Variants in FHOD3 observed in about 807,000 individuals in gnomAD.
FHOD3 encodes FH1/FH2 domain-containing protein 3.
Under a neutral mutation model 173.0 loss-of-function variants are expected in FHOD3, and 90 were observed. That is an observed-to-expected ratio of 0.52 (90% CI 0.44 to 0.62). FHOD3 has a LOEUF of 0.62. Ranked by LOEUF, FHOD3 falls within the 20% of genes least tolerant of loss-of-function variation. The pLI is 0.00. For missense variants in FHOD3, 1,945 were observed against 2,034.7 expected, an observed-to-expected ratio of 0.96 and a Z score of 0.85; for synonymous variants, 828 against 823.0, an observed-to-expected ratio of 1.01 and a Z score of -0.10.
At chr18:36,388,468 T>A (rs1389695346) in intron 3 of FHOD3, among the ~76,000 whole-genome samples, 3 of 152,228 alleles carry the variant, frequency 2.0e-5, no homozygotes, top group South Asian at 2.1e-4. Context: ...CCATCTTGCC[T>A]TCTTTGCAGC....
chr18:36,590,961 G>A (rs934997203), intron 6 of FHOD3, among the ~76,000 whole-genome samples: 3 of 152,176 alleles, frequency 2.0e-5, no homozygotes, highest in Non-Finnish European at 4.4e-5. Flanking sequence ...ACCAGCTAAT[G>A]GGGGGAGTGG....
chr18:36,512,398 G>A lies in FHOD3; in HGVS notation c.406-40G>A, dbSNP rs752370597. 2.1e-6 allele frequency: 3 copies of A among 1,458,256 alleles called. No individual in the cohort carries two copies. In the East Asian group the frequency reaches 6.8e-5, roughly 33 times the overall value. 90.3% of individuals were successfully genotyped at this position (1,458,256 alleles called of 1,614,324 possible). On this transcript the variant is annotated intron_variant, in intron 4 of 28. Coordinates refer to ENST00000590592, the MANE Select transcript of FHOD3 (RefSeq NM_001281740.3). ...GCACAGCTGGGATGGAAGGTGGACA[G>A]GGACAGTATTTGAAGTATTTTTGTT... is the stretch of plus-strand genomic sequence containing the variant.
At chr18:36,310,677 G>T (rs1277259299) in intron 1 of FHOD3, among the ~76,000 whole-genome samples, 1 of 138,192 alleles carries the variant, frequency 7.2e-6, no homozygotes, top group African/African-American at 2.8e-5. Context: ...ACAGGAGTGA[G>T]ACTCCATCTC....
chr18:36,701,921 G>A (rs1324753031), intron 17 of FHOD3, among the ~76,000 whole-genome samples: 2 of 152,188 alleles, frequency 1.3e-5, no homozygotes, highest in African/African-American at 4.8e-5. Context: ...GTCATCTTCA[G>A]TGGGGCTTAG....
chr18:36,326,100 T>G (rs1483021774), intron 1 of FHOD3, among the ~76,000 whole-genome samples: 2 of 152,184 alleles, frequency 1.3e-5, no homozygotes, highest in Non-Finnish European at 2.9e-5. Context: ...AGCATGGTGG[T>G]CAAGTCAAAA....
At chr18:36,731,043 C>T (rs571582933) in intron 20 of FHOD3, among the ~76,000 whole-genome samples, 1 of 152,274 alleles carries the variant, frequency 6.6e-6, no homozygotes, top group African/African-American at 2.4e-5. Flanking sequence ...CCACATTCTG[C>T]CTACCTCAAA....
intron 6 of FHOD3, among the ~76,000 whole-genome samples, chr18:36,578,432 A>G (rs1214602180): frequency 6.6e-6 from 1 of 152,192 alleles, no homozygotes; most frequent in Admixed American, 6.5e-5. Flanking sequence ...GGTCCCTCCC[A>G]TGACATGTGG....
At chr18:36,629,860 G>A (rs1383286265) in intron 10 of FHOD3, among the ~76,000 whole-genome samples, 2 of 152,062 alleles carry the variant, frequency 1.3e-5, no homozygotes, top group Non-Finnish European at 2.9e-5. Flanking sequence ...TCTTGACCGG[G>A]GTGATTTTGC....
intron 3 of FHOD3, among the ~76,000 whole-genome samples, chr18:36,405,630 G>A (rs2049018271): frequency 6.6e-6 from 1 of 152,276 alleles, no homozygotes; most frequent in South Asian, 2.1e-4. Context: ...AACAGAAATG[G>A]AATAAAGCTA....
intron 3 of FHOD3, among the ~76,000 whole-genome samples, chr18:36,434,732 C>G (rs989366110): frequency 3.9e-5 from 6 of 151,962 alleles, no homozygotes; most frequent in African/African-American, 1.4e-4. Context: ...CAGTTTCTTC[C>G]TGCAAAGTTT....
intron 1 of FHOD3, among the ~76,000 whole-genome samples, chr18:36,352,004 C>T (rs527406499): frequency 1.3e-5 from 2 of 152,246 alleles, no homozygotes; most frequent in South Asian, 2.1e-4. Flanking sequence ...GCTTTAGGTA[C>T]CTCAACTGAA....
At chr18:36,380,447 C>T (rs1208506156) in intron 3 of FHOD3, among the ~76,000 whole-genome samples, 3 of 146,854 alleles carry the variant, frequency 2.0e-5, no homozygotes, top group Non-Finnish European at 4.5e-5. Flanking sequence ...CTCCCTCCCT[C>T]CCTCCCTCAC....
intron 14 of FHOD3, among the ~76,000 whole-genome samples, chr18:36,666,740 TAACTTG>T (rs950358517): frequency 6.6e-6 from 1 of 152,228 alleles, no homozygotes; most frequent in African/African-American, 2.4e-5. Context: ...AGATTTTACT[TAACTTG>T]AACTTACCAA....
chr18:36,626,807 C>T lies in FHOD3; in HGVS notation c.1196+1058C>T, dbSNP rs555189700. Reference sequence around the variant, plus strand: ...TTAAGAAAGAGTGATCAAGATATATCCCTCCTCTCCATCTCTAAGGGAATA... The same window carrying T: ...TTAAGAAAGAGTGATCAAGATATATTCCTCCTCTCCATCTCTAAGGGAATA... On this transcript the variant is annotated intron_variant, in intron 10 of 28. Coordinates refer to ENST00000590592, the MANE Select transcript of FHOD3 (RefSeq NM_001281740.3). 5.9e-5 allele frequency among the ~76,000 whole-genome samples: 9 copies of T among 152,266 alleles called. 1 individual carries two copies. The highest frequency in any genetic ancestry group is 5.9e-4 in the Admixed American group (9 of 15,288).
chr18:36,362,304 G>A (rs1288546679), intron 2 of FHOD3, among the ~76,000 whole-genome samples: 2 of 152,188 alleles, frequency 1.3e-5, no homozygotes, highest in Non-Finnish European at 2.9e-5. Flanking sequence ...GGAGGGAGGG[G>A]GCTGGGAATC....
At chr18:36,417,275 T>C (rs1259819118) in intron 3 of FHOD3, among the ~76,000 whole-genome samples, 1 of 152,198 alleles carries the variant, frequency 6.6e-6, no homozygotes, top group African/African-American at 2.4e-5. Context: ...TGTGTCCATG[T>C]GTTCTCATCA....
intron 14 of FHOD3, among the ~76,000 whole-genome samples, chr18:36,669,078 A>G (rs2037368542): frequency 1.3e-5 from 2 of 151,850 alleles, no homozygotes. Flanking sequence ...TGCATTCTAT[A>G]ATTTTGATTT....
chr18:36,611,723 C>T (rs924107477), intron 8 of FHOD3, among the ~76,000 whole-genome samples: 2 of 152,204 alleles, frequency 1.3e-5, no homozygotes, highest in African/African-American at 4.8e-5. Context: ...CCAGCCCACA[C>T]TCAAGCCAAG....
chr18:36,552,914 C>T (rs527841468), intron 5 of FHOD3, among the ~76,000 whole-genome samples: 6 of 152,238 alleles, frequency 3.9e-5, no homozygotes, highest in Non-Finnish European at 7.4e-5. Context: ...AAAGGGAATG[C>T]TTCCAGTTTT....
Sources: gnomAD v4.1 joint callset for allele counts (sites outside exome capture counted in the v4.1 genomes callset) on GRCh38, gnomAD v4.1.1 for gene constraint, MANE v1.5 for transcripts, NCBI Gene and HGNC (gene_info 2026-07-23, HGNC 2026-07-21) for gene names.